The following MAPK14 variants were observed in gnomAD, a reference collection of about 807,000 sequenced individuals.
MAPK14 encodes the protein mitogen-activated protein kinase 14.
In MAPK14, 16 loss-of-function variants were observed where a neutral mutation model predicts 49.6. That is an observed-to-expected ratio of 0.32 (90% CI 0.22 to 0.49). MAPK14 has a LOEUF of 0.49. MAPK14 is among the 20% of genes least tolerant of loss of function. The pLI is 0.99. For synonymous variants in MAPK14, 142 were observed against 158.0 expected, an observed-to-expected ratio of 0.90 and a Z score of 0.76; for missense variants, 200 against 441.2, an observed-to-expected ratio of 0.45 and a Z score of 4.90.
chr6:36,113,368 AG>A (rs1244190990), downstream of MAPK14, among the ~76,000 whole-genome samples: 7 of 138,800 alleles, frequency 5.0e-5, no homozygotes, highest in African/African-American at 8.7e-5. Context: ...AAAAAAAAAA[AG>A]GTCTTAAGTG....
intron 8 of MAPK14, among the ~76,000 whole-genome samples, chr6:36,080,301 A>G (rs1269486918): frequency 1.3e-5 from 2 of 152,162 alleles, no homozygotes; most frequent in African/African-American, 4.8e-5. Context: ...TACAATCACT[A>G]CTACTACCTA....
chr6:36,108,734 A>G lies in MAPK14; in HGVS notation c.*287A>G. The G allele has an allele frequency of 2.3e-6, 1 of 432,242 alleles. No individual in the cohort carries two copies. The highest frequency in any genetic ancestry group is 4.3e-6 in the Non-Finnish European group (1 of 235,042). The allele number at this position is 432,242 out of a possible 1,614,324, so 26.8% of individuals were successfully genotyped here. On this transcript the variant is annotated 3_prime_UTR_variant, in exon 12 of 12. Coordinates refer to ENST00000229794, the MANE Select transcript of MAPK14 (RefSeq NM_139012.3). ...CTTCTTTCTGAGAGTTGGCTCAGGC[A>G]GACAAGAGCTGCTGTCCTTTTAGGA...
chr6:36,049,905 G>T (rs1289398704), intron 1 of MAPK14, among the ~76,000 whole-genome samples: 1 of 152,120 alleles, frequency 6.6e-6, no homozygotes, highest in African/African-American at 2.4e-5. Flanking sequence ...TTATAGATTT[G>T]GGGCTAAGCA....
chr6:36,047,483 A>G (rs180689053), intron 1 of MAPK14, among the ~76,000 whole-genome samples: 3 of 152,330 alleles, frequency 2.0e-5, no homozygotes, highest in Admixed American at 1.3e-4. Flanking sequence ...AGAAATTTGC[A>G]TTTTACTCTG....
At chr6:36,115,888 A>C (rs1288141090), downstream of MAPK14, among the ~76,000 whole-genome samples, 1 of 149,972 alleles carries the variant, frequency 6.7e-6, no homozygotes, top group Non-Finnish European at 1.5e-5. Context: ...AGATCATGCC[A>C]CTGCACTCCA....
At chr6:36,074,329 A>C (rs1338910529) in intron 6 of MAPK14, among the ~76,000 whole-genome samples, 1 of 152,098 alleles carries the variant, frequency 6.6e-6, no homozygotes, top group Non-Finnish European at 1.5e-5. Flanking sequence ...TTGATATATT[A>C]GTCATAATAA....
At chr6:36,108,079 A>G in intron 11 of MAPK14, among the ~76,000 whole-genome samples, 1 of 152,268 alleles carries the variant, frequency 6.6e-6, no homozygotes, top group East Asian at 1.9e-4. Flanking sequence ...CCAAGAGCCA[A>G]GACCATCTGT....
chr6:36,036,933 G>T (rs959290338), intron 1 of MAPK14, among the ~76,000 whole-genome samples: 1 of 151,970 alleles, frequency 6.6e-6, no homozygotes, highest in Non-Finnish European at 1.5e-5. Context: ...TAGAGATGGG[G>T]TTTCACCATG....
chr6:36,085,262 G>A (rs1017697929), intron 8 of MAPK14, among the ~76,000 whole-genome samples: 14 of 152,066 alleles, frequency 9.2e-5, no homozygotes, highest in African/African-American at 3.4e-4. Context: ...ACCTCAACAA[G>A]TCTGCAAAAT....
At chr6:36,086,528 A>C (rs976455657) in intron 8 of MAPK14, among the ~76,000 whole-genome samples, 1 of 152,232 alleles carries the variant, frequency 6.6e-6, no homozygotes, top group African/African-American at 2.4e-5. Context: ...AAACACCTCT[A>C]TGCAAATAAA....
chr6:36,106,622 C>T lies in MAPK14; in HGVS notation c.842-833C>T, dbSNP rs546475721. Among the ~76,000 whole-genome samples the T allele has an allele frequency of 2.0e-5, 3 of 152,102 alleles. No individual in the cohort carries two copies. The East Asian group carries it at 5.8e-4, about 29-fold the overall frequency. The stretch of plus-strand genomic sequence containing the variant: ...ATTTGGGGAGGGTAAAGTGTCATGT[C>T]TATAATTTTATTTTAAAACAGTTCA... On this transcript the variant is annotated intron_variant, in intron 10 of 11. Transcript: ENST00000229794.
chr6:36,059,175 CCA>C, intron 2 of MAPK14, 112 bp from the exon 3 acceptor site: 2 of 628,558 alleles, frequency 3.2e-6, no homozygotes, highest in South Asian at 4.4e-5. Context: ...CAGGCGTGAG[CCA>C]CTGCTCCCGG....
chr6:36,075,225 CAAAAA>C (rs70975130), intron 6 of MAPK14, among the ~76,000 whole-genome samples: 6 of 62,940 alleles, frequency 9.5e-5, no homozygotes, highest in South Asian at 1.1e-3. Flanking sequence ...GACTCCGTCT[CAAAAA>C]AAAAAAAAAA....
rs540457201 is a variant in MAPK14, at chr6:36,095,982, A to T, written c.683-5A>T. On this transcript the variant is annotated splice_polypyrimidine_tract_variant and splice_region_variant and intron_variant, in intron 8 of 11. Coordinates refer to ENST00000229794, the MANE Select transcript of MAPK14 (RefSeq NM_139012.3). Reference sequence around the variant, plus strand: ...CCAACATTTTCCTTTATGGTCCACCATTAGATATTGATCAGTTGAAGCTCA... The same window carrying T: ...CCAACATTTTCCTTTATGGTCCACCTTTAGATATTGATCAGTTGAAGCTCA... 1 of 1,577,098 alleles carries T rather than the reference A, an allele frequency of 6.3e-7. No individual in the cohort carries two copies. Among genetic ancestry groups the T allele is most frequent in the East Asian group, 2.2e-5 (1 of 44,688 alleles).
chr6:36,062,250 A>G (rs1183342394), intron 3 of MAPK14, among the ~76,000 whole-genome samples: 28 of 152,208 alleles, frequency 1.8e-4, no homozygotes, highest in Admixed American at 1.8e-3. Context: ...TGCTGGGATT[A>G]CAGACATGAG....
chr6:36,074,239 TA>T, intron 6 of MAPK14, 143 bp downstream of exon 6: 1 of 580,470 alleles, frequency 1.7e-6, no homozygotes, highest in Non-Finnish European at 3.0e-6. Flanking sequence ...CTTTGAAATT[TA>T]AACCATTTCT....
chr6:36,099,031 T>C (rs1165446479), intron 9 of MAPK14, among the ~76,000 whole-genome samples: 1 of 152,178 alleles, frequency 6.6e-6, no homozygotes. Flanking sequence ...TGGCTCTAGC[T>C]CCCTCCCTGT....
intron 3 of MAPK14, among the ~76,000 whole-genome samples, chr6:36,069,785 C>T (rs1208769171): frequency 6.6e-6 from 1 of 152,042 alleles, no homozygotes; most frequent in Non-Finnish European, 1.5e-5. Context: ...CACTGGTAAC[C>T]ATTTACACAT....
intron 8 of MAPK14, among the ~76,000 whole-genome samples, chr6:36,087,667 G>A (rs1357766811): frequency 1.3e-5 from 2 of 152,178 alleles, no homozygotes; most frequent in Non-Finnish European, 2.9e-5. Flanking sequence ...AACATTCTGT[G>A]CTCATGGATA....
Sources: gnomAD v4.1 joint callset for allele counts (sites outside exome capture counted in the v4.1 genomes callset) on GRCh38, gnomAD v4.1.1 for gene constraint, MANE v1.5 for transcripts, NCBI Gene and HGNC (gene_info 2026-07-23, HGNC 2026-07-21) for gene names.